The following PLPPR3 variants were observed in gnomAD, a reference collection of about 807,000 sequenced individuals.
PLPPR3 encodes phospholipid phosphatase related 3.
PLPPR3 carries 14 observed loss-of-function variants against 27.3 expected under a neutral mutation model. The observed-to-expected ratio is 0.51, with a 90% CI of 0.34 to 0.80. The LOEUF is 0.80. Among genes scored for constraint, PLPPR3 ranks in the 30% least tolerant of loss-of-function variants. The pLI is 0.01. For synonymous variants in PLPPR3, 671 were observed against 508.0 expected (o/e 1.32, Z -4.32); for missense variants, 1,287 against 1,056.9 (o/e 1.22, Z -3.02).
Position 816,226 on chromosome 19 carries a change from T to C in PLPPR3, c.76-375A>G, listed in dbSNP as rs112813960. Among the ~76,000 whole-genome samples, 279 of 142,602 alleles carry C rather than the reference T, an allele frequency of 2.0e-3. 1 individual carries two copies. Among genetic ancestry groups the C allele is most frequent in the African/African-American group, 6.0e-3 (233 of 38,574 alleles). The allele number at this position is 142,602 out of a possible 152,430, so 93.6% of individuals were successfully genotyped here. A position where few individuals can be genotyped will look rare whatever the true frequency, so the allele number is the denominator to read the frequency against. On this transcript the variant is annotated intron_variant, in intron 2 of 7. Transcript: ENST00000520876. ...CCATGCACCCAACGGTACCCATCCA[T>C]CCATCCATCCATCACCTAGCCATTC...
chr19:822,393 C>T (rs2035162443), upstream of PLPPR3, among the ~76,000 whole-genome samples: 1 of 152,072 alleles, frequency 6.6e-6, no homozygotes. Context: ...CCTCCGCCCG[C>T]CCCTCCGCGG....
upstream of PLPPR3, among the ~76,000 whole-genome samples, chr19:823,435 C>G (rs2035176585): frequency 1.9e-5 from 1 of 53,948 alleles, no homozygotes; most frequent in Admixed American, 2.0e-4. Context: ...GAAGGAGACT[C>G]TATCTCAAAA....
At position 813,500 on chromosome 19, in the gene PLPPR3, G is replaced by T; in HGVS notation, c.1227C>A (p.Ser409Arg). 1.3e-6 allele frequency: 2 copies of T among 1,553,324 alleles called. No homozygotes were observed. Among genetic ancestry groups the T allele is most frequent in the South Asian group, 1.2e-5 (1 of 85,100 alleles). The change falls in exon 8 of 8, where the codon AGC (serine) becomes AGA (arginine). Residue 409 changes from serine (S) to arginine (R), a missense_variant. Physicochemically the swap from Ser to Arg is moderately radical, Grantham distance 110. Coordinates refer to ENST00000520876, the MANE Select transcript of PLPPR3 (RefSeq NM_001270366.2). This position sits in a 1 kb window ranked among gnomAD's most constrained non-coding sequence, Gnocchi z 4.1. Reference sequence around the variant, plus strand: ...CCTCCAGGCTCTTCTGCTTCCACTCGCTGATGAGCTGCTTGGAGCGCGAGG... The same window carrying T: ...CCTCCAGGCTCTTCTGCTTCCACTCTCTGATGAGCTGCTTGGAGCGCGAGG... ...LDASRSKQLI[S>R]EWKQKSLEGR...
intron 2 of PLPPR3, 120 bp from the exon 3 acceptor site, chr19:815,971 C>A (rs2096012466): frequency 3.2e-6 from 3 of 935,294 alleles, no homozygotes; most frequent in Non-Finnish European, 1.6e-6. Flanking sequence ...CCAACCCGCT[C>A]CCAGCCACTC....
At position 812,691 on chromosome 19, in the gene PLPPR3, G is replaced by A. The variant is rs1398759106; in HGVS notation, c.2036C>T (p.Pro679Leu). 9.5e-6 allele frequency: 10 copies of A among 1,049,600 alleles called. No homozygotes were observed. Among genetic ancestry groups the A allele is most frequent in the Non-Finnish European group, 1.1e-5 (10 of 870,704 alleles). The allele number at this position is 1,049,600 out of a possible 1,614,324, so 65.0% of individuals were successfully genotyped here. ...PLGAADGALG[P>L]GSRESTLRRH... The stretch of plus-strand genomic sequence containing the variant: ...CCGCAGCGTGGACTCCCGGCTGCCC[G>A]GGCCCAGCGCCCCATCGGCCGCGCC... The change falls in exon 8 of 8, where the codon CCG becomes CTG. Residue 679 changes from proline to leucine, a missense_variant. Physicochemically the swap from Pro to Leu is moderately conservative, Grantham distance 98 (BLOSUM62 -3). Transcript: ENST00000520876.
In PLPPR3 at chr19:812,570, C is replaced by G; in HGVS notation, c.2157G>C (p.Ter719TyrextTer?). The G allele has an allele frequency of 9.7e-7, 1 of 1,031,534 alleles. No homozygotes were observed. The highest frequency in any genetic ancestry group is 1.2e-6 in the Non-Finnish European group (1 of 857,178). The allele number at this position is 1,031,534 out of a possible 1,614,324, so 63.9% of individuals were successfully genotyped here. The change falls in exon 8 of 8, where the codon TAG becomes TAC. Residue 719 changes from the stop codon to tyrosine (Y), a stop_lost. Coordinates refer to ENST00000520876, the MANE Select transcript of PLPPR3 (RefSeq NM_001270366.2). ...CCCGCCCGCCCCCGGCCCCGCCGCG[C>G]TAGTCGGGGAAGCGGCGCGCCTGCA... ...RKMQARRFPD[*>Y]
intron 2 of PLPPR3, among the ~76,000 whole-genome samples, chr19:819,438 G>A (rs965269275): frequency 4.0e-5 from 6 of 151,320 alleles, no homozygotes; most frequent in South Asian, 2.1e-4. Flanking sequence ...CCACCACTAC[G>A]ACCACCATGC....
chr19:823,120 A>AAAAC (rs34107870), upstream of PLPPR3, among the ~76,000 whole-genome samples: 22,020 of 148,302 alleles, frequency 0.15, 1,738 homozygotes, highest in Middle Eastern at 0.24. Context: ...ACTCTGTCTC[A>AAAAC]AAACAAACAA....
chr19:822,614 G>A (rs1007017316), upstream of PLPPR3, among the ~76,000 whole-genome samples: 1 of 151,804 alleles, frequency 6.6e-6, no homozygotes, highest in Non-Finnish European at 1.5e-5. Context: ...TGCGGGGCGC[G>A]GGGCTGGGGG....
At chr19:817,664 G>C (rs1024592944) in intron 2 of PLPPR3, among the ~76,000 whole-genome samples, 3 of 152,118 alleles carry the variant, frequency 2.0e-5, no homozygotes, top group Non-Finnish European at 4.4e-5. Context: ...GGTCAGGGCT[G>C]GGGGCTCCAG....
rs772308224 is a variant in PLPPR3 at position 814,918 on chromosome 19, G to A, written c.567C>T (p.Ser189=). 39 of 1,611,612 alleles carry A rather than the reference G, an allele frequency of 2.4e-5. No homozygotes were observed. The highest frequency in any genetic ancestry group is 5.5e-5 in the South Asian group (5 of 91,086). Residue 189 remains serine (S), a synonymous_variant, in exon 5 of 8, where the codon TCC becomes TCT. Transcript: ENST00000520876. ...VNPYITQDIC[S]GHDIHAILSA... ...ACAGGATGGCGTGGATGTCGTGGCC[G>A]GAGCAGATGTCCTGCGTGATGTAGG...
At chr19:819,803 T>G (rs2035119284) in intron 2 of PLPPR3, among the ~76,000 whole-genome samples, 1 of 152,162 alleles carries the variant, frequency 6.6e-6, no homozygotes, top group Non-Finnish European at 1.5e-5. Flanking sequence ...GGCCCATCAC[T>G]AGAGCCGGTT....
rs765899709 is a variant in PLPPR3, at chr19:813,324, A to C, written c.1403T>G (p.Leu468Arg). The C allele has an allele frequency of 7.4e-5, 109 of 1,469,412 alleles. No homozygotes were observed. The South Asian group carries it at 1.4e-3, about 19-fold the overall frequency. The allele number at this position is 1,469,412 out of a possible 1,614,324, so 91.0% of individuals were successfully genotyped here. ...CGGCCGCGCCTGCACGGTGGGGTAG[A>C]GCGAGGGCGGGGCCGGGCCCTCGTC... Reference protein sequence around the residue: ...EEDEGPAPPSLYPTVQARPGL... With the variant: ...EEDEGPAPPSRYPTVQARPGL... The change falls in exon 8 of 8, where the codon CTC becomes CGC. Residue 468 changes from leucine (L) to arginine (R), a missense_variant. Physicochemically the swap from Leu to Arg is moderately radical, Grantham distance 102 (BLOSUM62 -2). Transcript: ENST00000520876. This position sits in a 1 kb window ranked among gnomAD's most constrained non-coding sequence, Gnocchi z 4.1.
chr19:813,554 G>A lies in PLPPR3; in HGVS notation c.1173C>T (p.Arg391=), dbSNP rs754109872. The A allele has an allele frequency of 1.3e-6, 2 of 1,560,668 alleles. No homozygotes were observed. Among genetic ancestry groups the A allele is most frequent in the South Asian group, 2.3e-5 (2 of 85,230 alleles). The change falls in exon 8 of 8, where the codon CGC becomes CGT. Residue 391 remains arginine (R), a synonymous_variant. Coordinates refer to ENST00000520876, the MANE Select transcript of PLPPR3 (RefSeq NM_001270366.2). This position sits in a 1 kb window ranked among gnomAD's most constrained non-coding sequence, Gnocchi z 4.1. ...SAPSLDDPAR[R]HMTIHVPLDA... is the part of the protein sequence containing the mutation. ...CCAGCGGCACGTGGATGGTCATGTG[G>A]CGGCGCGCGGGGTCGTCCAGCGAGG...
chr19:819,621 A>G lies in PLPPR3; in HGVS notation c.75+1864T>C, dbSNP rs534932829. Among the ~76,000 whole-genome samples the G allele has an allele frequency of 7.2e-5, 11 of 152,214 alleles. No homozygotes were observed. In the East Asian group the frequency reaches 2.1e-3, roughly 29 times the overall value. On this transcript the variant is annotated intron_variant, in intron 2 of 7. Transcript: ENST00000520876. Reference sequence around the variant, plus strand: ...AGGAATTTAAGTGCAATTTCGAAAAATAAACAGATTTTCTATGAAGTGATG... The same window carrying G: ...AGGAATTTAAGTGCAATTTCGAAAAGTAAACAGATTTTCTATGAAGTGATG...
chr19:816,367 G>T (rs1296426712), intron 2 of PLPPR3, among the ~76,000 whole-genome samples: 11 of 46,012 alleles, frequency 2.4e-4, no homozygotes, highest in Admixed American at 2.3e-4. Context: ...TCATTACCCA[G>T]CCATTCATCC....
At chr19:815,107 C>CG in intron 4 of PLPPR3, 26 bp from the exon 5 acceptor site, 1 of 1,600,830 alleles carries the variant, frequency 6.2e-7, no homozygotes, top group Middle Eastern at 1.7e-4. Flanking sequence ...CTCGGCCAGG[C>CG]GGGGAGCTGG....
intron 2 of PLPPR3, among the ~76,000 whole-genome samples, chr19:816,259 TGTCC>T (rs201056378): frequency 7.2e-6 from 1 of 138,564 alleles, no homozygotes; most frequent in Non-Finnish European, 1.5e-5. Flanking sequence ...TTCATTCATC[TGTCC>T]ATCCATCCAT....
At position 813,344 on chromosome 19, in the gene PLPPR3, C is replaced by T. The variant is rs764476462; in HGVS notation, c.1383G>A (p.Glu461=). ...GGTAGAGCGAGGGCGGGGCCGGGCC[C>T]TCGTCCTCCTCCTCTTCCTCCTCCT... ...EEEEEEEEED[E]GPAPPSLYPT... The change falls in exon 8 of 8, where the codon GAG becomes GAA. Residue 461 remains glutamate (E), a synonymous_variant. Coordinates refer to ENST00000520876, the MANE Select transcript of PLPPR3 (RefSeq NM_001270366.2). This position sits in a 1 kb window ranked among gnomAD's most constrained non-coding sequence, Gnocchi z 4.1. 10 of 1,474,318 alleles carry T rather than the reference C, an allele frequency of 6.8e-6. No homozygotes were observed. The highest frequency in any genetic ancestry group is 8.0e-6 in the Non-Finnish European group (9 of 1,121,342). 91.3% of individuals were successfully genotyped at this position (1,474,318 alleles called of 1,614,324 possible).
Sources: allele counts gnomAD v4.1 joint callset (sites outside exome capture counted in the v4.1 genomes callset), GRCh38; gene constraint gnomAD v4.1.1; non-coding constraint Gnocchi (gnomAD v3.1); transcripts MANE v1.5; gene names NCBI Gene and HGNC (gene_info 2026-07-23, HGNC 2026-07-21).